Variants in ZFAND3 observed in about 807,000 individuals in gnomAD.
The protein encoded by ZFAND3 is zinc finger AN1-type containing 3.
Under a neutral mutation model 29.6 loss-of-function variants are expected in ZFAND3, and 10 were observed. The observed-to-expected ratio is 0.34, with a 90% CI of 0.21 to 0.57. The LOEUF is 0.57. Ranked by LOEUF, ZFAND3 falls within the 20% of genes least tolerant of loss-of-function variation. ZFAND3 has a pLI of 0.86. For synonymous variants in ZFAND3, 128 were observed against 112.6 expected, an observed-to-expected ratio of 1.14 and a Z score of -0.87; for missense variants, 230 against 304.5, an observed-to-expected ratio of 0.76 and a Z score of 1.82.
intron 2 of ZFAND3, among the ~76,000 whole-genome samples, chr6:37,956,378 G>C (rs1581790669): frequency 6.6e-6 from 1 of 152,210 alleles, no homozygotes; most frequent in Admixed American, 6.5e-5. Flanking sequence ...TTGAGAACCA[G>C]TGGCTTATGG....
At chr6:38,076,841 G>A (rs1581896965) in intron 3 of ZFAND3, among the ~76,000 whole-genome samples, 1 of 152,132 alleles carries the variant, frequency 6.6e-6, no homozygotes, top group East Asian at 1.9e-4. Context: ...CAGGTTTAGG[G>A]TGAGGTTGGA....
intron 5 of ZFAND3, among the ~76,000 whole-genome samples, chr6:38,132,739 G>A (rs1212231708): frequency 2.0e-5 from 3 of 152,202 alleles, no homozygotes; most frequent in Non-Finnish European, 4.4e-5. Context: ...TGCATGGAGG[G>A]AGTGTGGCAT....
In ZFAND3 at chr6:38,153,843, G is replaced by A. The variant is rs1766288958; in HGVS notation, c.*1454G>A. The A allele has an allele frequency of 1.0e-5, 10 of 985,546 alleles. No individual in the cohort carries two copies. The highest frequency in any genetic ancestry group is 5.2e-4 in the Middle Eastern group (1 of 1,914). 61.1% of individuals were successfully genotyped at this position (985,546 alleles called of 1,614,324 possible). On this transcript the variant is annotated 3_prime_UTR_variant, in exon 6 of 6. Transcript: ENST00000287218. The stretch of plus-strand genomic sequence containing the variant: ...GTGGGTGAGGGCAGGAGGCCCCTGC[G>A]GAGGCAGCGTGGATCTGCCCACACA...
intron 2 of ZFAND3, among the ~76,000 whole-genome samples, chr6:38,028,206 T>G (rs1763485104): frequency 6.6e-6 from 1 of 152,220 alleles, no homozygotes; most frequent in Admixed American, 6.5e-5. Context: ...ATATTGAAAT[T>G]TAGTTTTAAG....
intron 2 of ZFAND3, among the ~76,000 whole-genome samples, chr6:38,043,129 A>G (rs374070594): frequency 6.6e-6 from 1 of 152,318 alleles, no homozygotes; most frequent in African/African-American, 2.4e-5. Flanking sequence ...TATAAGAGAC[A>G]GTTTAACCTT....
At chr6:37,912,062 G>C (rs529005047) in intron 1 of ZFAND3, among the ~76,000 whole-genome samples, 1 of 151,746 alleles carries the variant, frequency 6.6e-6, no homozygotes, top group South Asian at 2.1e-4. Flanking sequence ...GTGTGTGTGT[G>C]TGTGTGTGTG....
At chr6:37,837,590 T>C (rs1763992647) in intron 1 of ZFAND3, among the ~76,000 whole-genome samples, 1 of 151,812 alleles carries the variant, frequency 6.6e-6, no homozygotes, top group African/African-American at 2.4e-5. Flanking sequence ...CTGCAACCTC[T>C]GCCTCCCAGG....
At chr6:37,866,831 G>A (rs1764598794) in intron 1 of ZFAND3, among the ~76,000 whole-genome samples, 1 of 152,230 alleles carries the variant, frequency 6.6e-6, no homozygotes, top group African/African-American at 2.4e-5. Flanking sequence ...ACTTTCAACA[G>A]TGGTAAGGTC....
At chr6:38,123,535 A>G (rs1765573511) in intron 5 of ZFAND3, among the ~76,000 whole-genome samples, 1 of 152,192 alleles carries the variant, frequency 6.6e-6, no homozygotes, top group Non-Finnish European at 1.5e-5. Flanking sequence ...AACACCTGAG[A>G]TCTTTTATTA....
chr6:38,083,069 A>AACAG (rs1348753588), intron 4 of ZFAND3, among the ~76,000 whole-genome samples: 2 of 152,194 alleles, frequency 1.3e-5, no homozygotes, highest in African/African-American at 4.8e-5. Context: ...TGCCTTTTCT[A>AACAG]ATAATGCTGT....
chr6:37,971,846 A>T (rs1762393330), intron 2 of ZFAND3, among the ~76,000 whole-genome samples: 1 of 151,502 alleles, frequency 6.6e-6, no homozygotes, highest in Non-Finnish European at 1.5e-5. Flanking sequence ...AAAAAAAAAA[A>T]AAAAATTAGC....
chr6:38,101,416 A>G (rs1489036395), intron 4 of ZFAND3, among the ~76,000 whole-genome samples: 1 of 152,238 alleles, frequency 6.6e-6, no homozygotes, highest in Non-Finnish European at 1.5e-5. Context: ...ACTCTGTGTC[A>G]TAATATACCA....
intron 2 of ZFAND3, among the ~76,000 whole-genome samples, chr6:37,980,538 T>C (rs929918970): frequency 3.3e-5 from 5 of 152,192 alleles, no homozygotes; most frequent in African/African-American, 1.2e-4. Flanking sequence ...TCTACCCTTA[T>C]TCTTCTTTCT....
chr6:38,153,146 G>A lies in ZFAND3; in HGVS notation c.*757G>A, dbSNP rs191633375. ...GCAGCCAGAGTGCCCCGCCTCCGCC[G>A]GCTCTGGTCTGCCATTCGCCAGTGC... On this transcript the variant is annotated 3_prime_UTR_variant, in exon 6 of 6. Coordinates refer to ENST00000287218, the MANE Select transcript of ZFAND3 (RefSeq NM_021943.3). The A allele has an allele frequency of 6.6e-5, 65 of 985,520 alleles. 1 individual carries two copies. The East Asian group carries it at 3.9e-3, about 59-fold the overall frequency. The allele number at this position is 985,520 out of a possible 1,614,324, so 61.0% of individuals were successfully genotyped here.
chr6:38,050,908 T>C (rs971288590), intron 2 of ZFAND3, among the ~76,000 whole-genome samples: 5 of 152,166 alleles, frequency 3.3e-5, no homozygotes, highest in Non-Finnish European at 7.4e-5. Context: ...ACAGATGCAG[T>C]GGTCAGCTTA....
chr6:37,879,307 C>T (rs919425332), intron 1 of ZFAND3, among the ~76,000 whole-genome samples: 1 of 152,018 alleles, frequency 6.6e-6, no homozygotes, highest in African/African-American at 2.4e-5. Context: ...CCTCTAATTC[C>T]AAATGCAGAA....
intron 1 of ZFAND3, among the ~76,000 whole-genome samples, chr6:37,919,352 C>T (rs554776618): frequency 4.6e-5 from 7 of 152,140 alleles, no homozygotes; most frequent in East Asian, 3.9e-4. Context: ...TGTATATGCT[C>T]GTAATATAAA....
intron 2 of ZFAND3, among the ~76,000 whole-genome samples, chr6:38,010,174 C>CA (rs1347621495): frequency 6.6e-6 from 1 of 152,198 alleles, no homozygotes; most frequent in Non-Finnish European, 1.5e-5. Context: ...CTGGACAGGG[C>CA]ACCATCCCAT....
At chr6:37,889,034 A>G (rs1184909576) in intron 1 of ZFAND3, among the ~76,000 whole-genome samples, 1 of 152,154 alleles carries the variant, frequency 6.6e-6, no homozygotes, top group Non-Finnish European at 1.5e-5. Flanking sequence ...ACAAGCATAA[A>G]CTACACAATT....
Sources: gnomAD v4.1 joint callset for allele counts (sites outside exome capture counted in the v4.1 genomes callset) on GRCh38, gnomAD v4.1.1 for gene constraint, MANE v1.5 for transcripts, NCBI Gene and HGNC (gene_info 2026-07-23, HGNC 2026-07-21) for gene names.